ANO1: variants seen among roughly 807,000 people sequenced by gnomAD.
ANO1 encodes anoctamin 1.
Under a neutral mutation model 124.0 loss-of-function variants are expected in ANO1, and 59 were observed. The ratio of observed to expected loss-of-function variants is 0.48; its 90% CI spans 0.39 to 0.59. The LOEUF (loss-of-function observed/expected upper bound fraction) is 0.59, where lower values mean the gene tolerates loss of function less well. Ranked by LOEUF, ANO1 falls within the 20% of genes least tolerant of loss-of-function variation. The pLI is 0.00. For synonymous variants in ANO1, 529 were observed against 532.0 expected (o/e 0.99, Z 0.08); for missense variants, 1,059 against 1,328.0 (o/e 0.80, Z 3.15).
At chr11:70,058,165 A>G (rs1157423047) in intron 1 of ANO1, among the ~76,000 whole-genome samples, 3 of 152,222 alleles carry the variant, frequency 2.0e-5, no homozygotes, top group African/African-American at 7.2e-5. Flanking sequence ...GACACAAGGT[A>G]CAAATAAGAG....
chr11:70,108,266 C>G, intron 5 of ANO1, 87 bp from the exon 6 acceptor site: 4 of 1,354,966 alleles, frequency 3.0e-6, no homozygotes, highest in Non-Finnish European at 3.1e-6. Context: ...AACGTGTGAC[C>G]AGGTCCTCTC....
chr11:70,095,102 AG>A (rs1294027442), intron 2 of ANO1, among the ~76,000 whole-genome samples: 1 of 151,844 alleles, frequency 6.6e-6, no homozygotes, highest in Non-Finnish European at 1.5e-5. Flanking sequence ...GCTACTCAGG[AG>A]GCTGAGGCAA....
intron 1 of ANO1, among the ~76,000 whole-genome samples, chr11:69,992,917 A>T (rs1856183811): frequency 6.6e-6 from 1 of 152,200 alleles, no homozygotes; most frequent in Admixed American, 6.5e-5. Flanking sequence ...TCACATGGCC[A>T]TTAGGTAGAC....
At chr11:70,132,143 CT>C (rs2046783708) in intron 11 of ANO1, 64 bp downstream of exon 11, 4 of 1,498,594 alleles carry the variant, frequency 2.7e-6, no homozygotes, top group Non-Finnish European at 3.6e-6. Context: ...ACCTAGGCTG[CT>C]TCTGTCTGTC....
chr11:70,126,215 C>T lies in ANO1; in HGVS notation c.1097+20C>T. On this transcript the variant is annotated intron_variant, in intron 10 of 25. Coordinates refer to ENST00000355303, the MANE Select transcript of ANO1 (RefSeq NM_018043.7). ...CCCCAGGTAGGCGGCAGCCCACCCC[C>T]ACCACCCCGCAGTACACAGAGGAGC... 1.2e-6 allele frequency: 2 copies of T among 1,607,034 alleles called. No individual in the cohort carries two copies. Among genetic ancestry groups the T allele is most frequent in the Non-Finnish European group, 1.7e-6 (2 of 1,176,938 alleles).
At position 70,165,588 on chromosome 11, in the gene ANO1, G is replaced by A. The variant is rs1246860975; in HGVS notation, c.2051+18G>A. 2 of 1,601,642 alleles carry A rather than the reference G, an allele frequency of 1.2e-6. No individual in the cohort carries two copies. The highest frequency in any genetic ancestry group is 4.5e-5 in the East Asian group (2 of 44,466). On this transcript the variant is annotated intron_variant, in intron 20 of 25. Coordinates refer to ENST00000355303, the MANE Select transcript of ANO1 (RefSeq NM_018043.7). ...GGCATCCCGTGAGTGTGCTGCAGCGGGTTAGAGCGGCAGGGGCGGGGCCAG... is the reference window on the plus strand; with the variant it reads ...GGCATCCCGTGAGTGTGCTGCAGCGAGTTAGAGCGGCAGGGGCGGGGCCAG...
chr11:70,085,700 C>G, intron 1 of ANO1: 2 of 1,447,912 alleles, frequency 1.4e-6, no homozygotes, highest in South Asian at 1.5e-5. Context: ...GCAGCCCTGG[C>G]CCAGAGCCTC....
chr11:70,083,340 C>T (rs1053976206), intron 1 of ANO1, among the ~76,000 whole-genome samples: 1 of 152,084 alleles, frequency 6.6e-6, no homozygotes, highest in Non-Finnish European at 1.5e-5. Flanking sequence ...GACAAAAACA[C>T]GAAGCTGTGT....
intron 1 of ANO1, among the ~76,000 whole-genome samples, chr11:69,996,838 C>G (rs1285324970): frequency 6.6e-6 from 1 of 152,232 alleles, no homozygotes. Context: ...GATCTAGCAC[C>G]TAAGTGTTTC....
At chr11:70,071,565 C>G (rs1362748436) in intron 1 of ANO1, among the ~76,000 whole-genome samples, 2 of 152,088 alleles carry the variant, frequency 1.3e-5, no homozygotes, top group African/African-American at 4.8e-5. Context: ...ATTCACATAC[C>G]AGATTTCAAA....
At chr11:70,183,622 G>C (rs899198091) in intron 24 of ANO1, among the ~76,000 whole-genome samples, 1 of 152,206 alleles carries the variant, frequency 6.6e-6, no homozygotes, top group African/African-American at 2.4e-5. Context: ...GGTGCGTGTG[G>C]CTTCTGACAC....
chr11:70,112,030 T>A (rs2045804060), intron 7 of ANO1, among the ~76,000 whole-genome samples: 1 of 152,202 alleles, frequency 6.6e-6, no homozygotes, highest in Non-Finnish European at 1.5e-5. Flanking sequence ...CTGAACCTCG[T>A]AGCCAGCGGG....
chr11:70,024,954 TG>T (rs1213066269), intron 1 of ANO1, among the ~76,000 whole-genome samples: 1 of 152,032 alleles, frequency 6.6e-6, no homozygotes, highest in East Asian at 1.9e-4. Context: ...AGTTGTGGGG[TG>T]GGACAGACAG....
At chr11:70,162,918 C>T (rs1358789166) in intron 18 of ANO1, among the ~76,000 whole-genome samples, 1 of 152,240 alleles carries the variant, frequency 6.6e-6, no homozygotes, top group African/African-American at 2.4e-5. Flanking sequence ...GTCCATGGAC[C>T]CCACCGTGCC....
chr11:70,119,854 A>G (rs80156690), intron 8 of ANO1, among the ~76,000 whole-genome samples: 10,715 of 151,314 alleles, frequency 0.071, 491 homozygotes, highest in South Asian at 0.2. Context: ...TGGATAGATG[A>G]TGGAGGGATG....
rs572114915 is a variant in ANO1 at position 70,073,199 on chromosome 11, G to T, written c.59-5343G>T. 6.6e-5 allele frequency among the ~76,000 whole-genome samples: 10 copies of T among 151,866 alleles called. 1 individual carries two copies. The South Asian group carries it at 1.9e-3, about 28-fold the overall frequency. ...TGGCAGAGTGGGCAGGTGCTGTCCCGCTGCGGGGAGTCCGACCCTGTCCCC... is the reference window on the plus strand; with the variant it reads ...TGGCAGAGTGGGCAGGTGCTGTCCCTCTGCGGGGAGTCCGACCCTGTCCCC... On this transcript the variant is annotated intron_variant, in intron 1 of 27. Transcript: ENST00000531349.
chr11:70,041,934 T>G (rs1857189273), intron 1 of ANO1, among the ~76,000 whole-genome samples: 1 of 152,156 alleles, frequency 6.6e-6, no homozygotes, highest in Admixed American at 6.5e-5. Flanking sequence ...GCAATAAGCA[T>G]GCCTATTTAC....
At chr11:70,032,657 T>G (rs1420636347) in intron 1 of ANO1, among the ~76,000 whole-genome samples, 1 of 152,236 alleles carries the variant, frequency 6.6e-6, no homozygotes, top group East Asian at 1.9e-4. Context: ...GCCCCCGGAC[T>G]GTGGCTTCTG....
intron 11 of ANO1, among the ~76,000 whole-genome samples, chr11:70,135,028 C>T (rs965957581): frequency 2.0e-5 from 3 of 152,104 alleles, no homozygotes; most frequent in Non-Finnish European, 4.4e-5. Flanking sequence ...ATGCTCGAGT[C>T]GGAGACCGCA....
Sources: allele counts gnomAD v4.1 joint callset (sites outside exome capture counted in the v4.1 genomes callset), GRCh38; gene constraint gnomAD v4.1.1; transcripts MANE v1.5; gene names NCBI Gene and HGNC (gene_info 2026-07-23, HGNC 2026-07-21).